GABRG3: variants seen among roughly 807,000 people sequenced by gnomAD.
GABRG3 encodes gamma-aminobutyric acid type A receptor subunit gamma3.
Under a neutral mutation model 48.8 loss-of-function variants are expected in GABRG3, and 25 were observed. The ratio of observed to expected loss-of-function variants is 0.51; its 90% CI spans 0.37 to 0.72. The LOEUF (loss-of-function observed/expected upper bound fraction) is 0.72, where lower values mean the gene tolerates loss of function less well. GABRG3 is among the 30% of genes least tolerant of loss of function. The pLI is 0.00. For missense variants in GABRG3, 394 were observed against 577.9 expected (o/e 0.68, Z 3.26); for synonymous variants, 227 against 217.6 (o/e 1.04, Z -0.38).
intron 3 of GABRG3, chr15:27,280,189 A>G (rs1463763345): frequency 6.6e-6 from 1 of 151,608 alleles, no homozygotes; most frequent in Non-Finnish European, 1.5e-5. Flanking sequence ...AAATTTTGCT[A>G]TTCTTTTTTC....
chr15:27,283,371 A>G (rs1425448141), intron 3 of GABRG3, among the ~76,000 whole-genome samples: 2 of 152,304 alleles, frequency 1.3e-5, no homozygotes, highest in East Asian at 1.9e-4. Context: ...TGGGAGGCCG[A>G]GGCGGGTGGA....
chr15:27,042,390 G>A (rs968898989), intron 3 of GABRG3, among the ~76,000 whole-genome samples: 3 of 152,190 alleles, frequency 2.0e-5, no homozygotes, highest in Non-Finnish European at 2.9e-5. Context: ...CCTGCTGCTC[G>A]CTGACTTGGA....
intron 3 of GABRG3, among the ~76,000 whole-genome samples, chr15:27,247,254 A>AC (rs1890297711): frequency 1.4e-5 from 2 of 147,324 alleles, no homozygotes; most frequent in East Asian, 4.0e-4. Flanking sequence ...CATCTTTAAA[A>AC]CCCCCTCATA....
intron 5 of GABRG3, among the ~76,000 whole-genome samples, chr15:27,330,672 GAAATA>G (rs1595682063): frequency 6.6e-6 from 1 of 152,206 alleles, no homozygotes; most frequent in East Asian, 1.9e-4. Context: ...GATTTTTATA[GAAATA>G]AAATAATTTA....
At chr15:27,385,994 G>T (rs1895909741) in intron 5 of GABRG3, among the ~76,000 whole-genome samples, 1 of 152,080 alleles carries the variant, frequency 6.6e-6, no homozygotes, top group African/African-American at 2.4e-5. Flanking sequence ...ATATATTGTG[G>T]CAACTCTGTA....
chr15:27,252,369 C>T (rs1016434123), intron 3 of GABRG3, among the ~76,000 whole-genome samples: 1 of 152,096 alleles, frequency 6.6e-6, no homozygotes, highest in Non-Finnish European at 1.5e-5. Context: ...GTCAGCACTA[C>T]CTCCCCATCT....
intron 2 of GABRG3, among the ~76,000 whole-genome samples, chr15:27,018,245 C>T (rs1283625498): frequency 6.6e-6 from 1 of 152,146 alleles, no homozygotes; most frequent in African/African-American, 2.4e-5. Context: ...TTGGCAGATG[C>T]CTTCCTCAAT....
At chr15:27,024,591 T>G in intron 2 of GABRG3, among the ~76,000 whole-genome samples, 1 of 152,244 alleles carries the variant, frequency 6.6e-6, no homozygotes, top group East Asian at 1.9e-4. Context: ...TCTTGGCAAC[T>G]TTGTGAAAGA....
chr15:27,474,912 A>C (rs1889891809), intron 5 of GABRG3, among the ~76,000 whole-genome samples: 2 of 151,940 alleles, frequency 1.3e-5, no homozygotes, highest in Non-Finnish European at 1.5e-5. Context: ...CAGGCAGATC[A>C]TGAGGTCAGG....
intron 5 of GABRG3, among the ~76,000 whole-genome samples, chr15:27,395,805 G>A (rs1887281453): frequency 6.6e-6 from 1 of 152,180 alleles, no homozygotes. Flanking sequence ...GGTTGGGCAA[G>A]CATTTCTTAG....
intron 3 of GABRG3, among the ~76,000 whole-genome samples, chr15:27,091,251 C>G (rs1211073621): frequency 6.6e-6 from 1 of 151,576 alleles, no homozygotes; most frequent in Non-Finnish European, 1.5e-5. Flanking sequence ...TTTTGTTTTT[C>G]TCTTCATTCT....
At chr15:27,482,789 T>A (rs576742693) in intron 6 of GABRG3, among the ~76,000 whole-genome samples, 1 of 152,318 alleles carries the variant, frequency 6.6e-6, no homozygotes, top group South Asian at 2.1e-4. Context: ...TGGAAACACT[T>A]TGGGAAACCT....
At chr15:27,265,882 G>GTTTTTT (rs57522857) in intron 3 of GABRG3, among the ~76,000 whole-genome samples, 8 of 127,560 alleles carry the variant, frequency 6.3e-5, no homozygotes, top group Admixed American at 8.1e-5. Context: ...TTTTCTCCTG[G>GTTTTTT]TTTTTTTTTT....
chr15:27,191,933 T>A (rs2140423111), intron 3 of GABRG3, among the ~76,000 whole-genome samples: 1 of 152,172 alleles, frequency 6.6e-6, no homozygotes, highest in African/African-American at 2.4e-5. Flanking sequence ...GGTGACAAAA[T>A]CTCTCAGCAT....
At chr15:27,185,521 G>A (rs1888066075) in intron 3 of GABRG3, among the ~76,000 whole-genome samples, 1 of 152,132 alleles carries the variant, frequency 6.6e-6, no homozygotes. Context: ...ATGTTATTGG[G>A]TAGAGTTTTC....
At chr15:27,471,180 T>C (rs1889777702) in intron 5 of GABRG3, among the ~76,000 whole-genome samples, 1 of 152,074 alleles carries the variant, frequency 6.6e-6, no homozygotes, top group Non-Finnish European at 1.5e-5. Context: ...TGCTGATTAG[T>C]AGGGAATGAA....
chr15:27,081,493 T>C (rs2140744919), intron 3 of GABRG3, among the ~76,000 whole-genome samples: 1 of 152,326 alleles, frequency 6.6e-6, no homozygotes, highest in South Asian at 2.1e-4. Flanking sequence ...TGAATAGAAA[T>C]ACATTCATTG....
At chr15:27,218,836 T>C (rs1325403726) in intron 3 of GABRG3, among the ~76,000 whole-genome samples, 1 of 152,148 alleles carries the variant, frequency 6.6e-6, no homozygotes, top group African/African-American at 2.4e-5. Flanking sequence ...GGAGTCTGCC[T>C]TTCCTCACCC....
At chr15:27,295,873 G>T (rs1891966489) in intron 3 of GABRG3, among the ~76,000 whole-genome samples, 1 of 152,182 alleles carries the variant, frequency 6.6e-6, no homozygotes, top group Non-Finnish European at 1.5e-5. Flanking sequence ...GAGCTGGGGT[G>T]GGGACAGTAG....
Sources: gnomAD v4.1 joint callset for allele counts (sites outside exome capture counted in the v4.1 genomes callset) on GRCh38, gnomAD v4.1.1 for gene constraint, MANE v1.5 for transcripts, NCBI Gene and HGNC (gene_info 2026-07-23, HGNC 2026-07-21) for gene names.